C13orf46: variants seen among roughly 807,000 people sequenced by gnomAD.
C13orf46 encodes chromosome 13 open reading frame 46, also known as uncharacterized protein C13orf46.
the C13orf46 span, among the ~76,000 whole-genome samples, chr13:113,940,612 A>G: frequency 1.4e-3 from 14 of 9,830 alleles, no homozygotes; most frequent in African/African-American, 5.5e-3. Flanking sequence ...TGTGAGGCTG[A>G]GCGTTCGAGA....
the C13orf46 span, among the ~76,000 whole-genome samples, chr13:113,935,666 C>G: frequency 6.6e-6 from 1 of 152,242 alleles, no homozygotes; most frequent in African/African-American, 2.4e-5. Flanking sequence ...GGGTTACCCA[C>G]GGCAACCATT....
the C13orf46 span, among the ~76,000 whole-genome samples, chr13:113,935,363 C>T: frequency 6.6e-6 from 1 of 152,254 alleles, no homozygotes; most frequent in East Asian, 1.9e-4. Context: ...CAAGCCTGGC[C>T]CCCTTGTGCT....
At chr13:113,931,542 C>A in the C13orf46 span, among the ~76,000 whole-genome samples, 2 of 152,280 alleles carry the variant, frequency 1.3e-5, no homozygotes, top group Admixed American at 1.3e-4. Context: ...ACGGCACCTG[C>A]GGGTGACAGG....
At chr13:113,938,427 A>G in the C13orf46 span, among the ~76,000 whole-genome samples, 1 of 152,208 alleles carries the variant, frequency 6.6e-6, no homozygotes, top group Non-Finnish European at 1.5e-5. Context: ...CAGAGACGGC[A>G]GCAGCCTTGG....
the C13orf46 span, among the ~76,000 whole-genome samples, chr13:113,944,466 G>A: frequency 1.3e-5 from 2 of 152,240 alleles, no homozygotes; most frequent in Admixed American, 6.5e-5. Flanking sequence ...ACTGACAATG[G>A]CCTTGGAAAT....
At chr13:113,933,228 G>C in the C13orf46 span, among the ~76,000 whole-genome samples, 2 of 152,132 alleles carry the variant, frequency 1.3e-5, no homozygotes, top group African/African-American at 2.4e-5. Flanking sequence ...GTTTTATTTT[G>C]TTGCTTATGG....
intron 6 of C13orf46, among the ~76,000 whole-genome samples, chr13:113,959,540 G>GTGCT (rs1413680954): frequency 2.0e-5 from 3 of 152,202 alleles, no homozygotes; most frequent in Admixed American, 6.5e-5. Flanking sequence ...CCCAGCAGGC[G>GTGCT]TGTGACACAT....
rs968972557 is a variant in C13orf46 at position 113,969,021 on chromosome 13, C to A, written c.243-261G>T. Reference sequence around the variant, plus strand: ...GGGTCTGGACTGGGATTACAGCCAACCTGGGCTTATTTTGGAAAGCAGGGT... The same window carrying A: ...GGGTCTGGACTGGGATTACAGCCAAACTGGGCTTATTTTGGAAAGCAGGGT... On this transcript the variant is annotated intron_variant, in intron 2 of 6. Coordinates refer to ENST00000636427, the MANE Select transcript of C13orf46 (RefSeq NM_001365455.2). 3.3e-5 allele frequency among the ~76,000 whole-genome samples: 5 copies of A among 152,386 alleles called. No individual in the cohort carries two copies. In the South Asian group the frequency reaches 8.3e-4, roughly 25 times the overall value.
intron 5 of C13orf46, among the ~76,000 whole-genome samples, chr13:113,967,122 G>A (rs1008782021): frequency 3.3e-5 from 5 of 152,166 alleles, no homozygotes; most frequent in Non-Finnish European, 5.9e-5. Flanking sequence ...TGAAGTGTGC[G>A]TGAGTTGGAG....
the C13orf46 span, among the ~76,000 whole-genome samples, chr13:113,934,199 G>T: frequency 6.6e-6 from 1 of 152,364 alleles, no homozygotes; most frequent in South Asian, 2.1e-4. Flanking sequence ...AGCACGTTGT[G>T]TGGTGTGGAG....
the C13orf46 span, among the ~76,000 whole-genome samples, chr13:113,934,754 T>C: frequency 6.6e-6 from 1 of 152,358 alleles, no homozygotes; most frequent in Non-Finnish European, 1.5e-5. Flanking sequence ...AGCGTGTCGC[T>C]GCGGAGATGT....
chr13:113,960,131 C>A (rs1397879796), intron 6 of C13orf46, among the ~76,000 whole-genome samples: 1 of 152,064 alleles, frequency 6.6e-6, no homozygotes, highest in African/African-American at 2.4e-5. Flanking sequence ...GTGGTGGGCG[C>A]CTGTAGTCTC....
At chr13:113,933,967 C>G in the C13orf46 span, among the ~76,000 whole-genome samples, 1 of 152,160 alleles carries the variant, frequency 6.6e-6, no homozygotes, top group African/African-American at 2.4e-5. Context: ...TGTGGAGATT[C>G]TGCGATGTGT....
At chr13:113,937,616 A>T in the C13orf46 span, among the ~76,000 whole-genome samples, 1 of 152,196 alleles carries the variant, frequency 6.6e-6, no homozygotes, top group Admixed American at 6.5e-5. Flanking sequence ...TCCTGACAAC[A>T]TGCCTGAGGT....
chr13:113,962,734 G>A (rs1261552439), intron 6 of C13orf46, among the ~76,000 whole-genome samples: 1 of 152,192 alleles, frequency 6.6e-6, no homozygotes, highest in South Asian at 2.1e-4. Context: ...GCTGAGACCA[G>A]GAGATTTCGA....
intron 2 of C13orf46, among the ~76,000 whole-genome samples, 155 bp downstream of exon 2, chr13:113,970,016 C>A (rs887248174): frequency 4.6e-5 from 7 of 152,204 alleles, no homozygotes; most frequent in African/African-American, 1.4e-4. Flanking sequence ...CCAGGCCCTG[C>A]GCGGGGTCTT....
At chr13:113,970,005 T>C (rs1271341618) in intron 2 of C13orf46, among the ~76,000 whole-genome samples, 166 bp downstream of exon 2, 7 of 152,188 alleles carry the variant, frequency 4.6e-5, no homozygotes, top group East Asian at 1.9e-4. Flanking sequence ...AGCCCTCCCA[T>C]CCAGGCCCTG....
At chr13:113,931,790 T>G in the C13orf46 span, among the ~76,000 whole-genome samples, 1 of 152,250 alleles carries the variant, frequency 6.6e-6, no homozygotes, top group Non-Finnish European at 1.5e-5. Context: ...TGTGGTATTT[T>G]GTCCATTTTC....
downstream of C13orf46, among the ~76,000 whole-genome samples, chr13:113,952,773 G>A (rs1023817757): frequency 2.0e-5 from 3 of 152,194 alleles, no homozygotes; most frequent in African/African-American, 7.2e-5. Flanking sequence ...TCTACAGGGG[G>A]TTCCTGCCCT....
Sources: allele counts gnomAD v4.1 joint callset (sites outside exome capture counted in the v4.1 genomes callset), GRCh38; gene constraint gnomAD v4.1.1; transcripts MANE v1.5; gene names NCBI Gene and HGNC (gene_info 2026-07-23, HGNC 2026-07-21).